NEDD4L: variants seen among roughly 807,000 people sequenced by gnomAD.
NEDD4L encodes E3 ubiquitin-protein ligase NEDD4-like.
A neutral mutation model predicts 148.9 loss-of-function variants in NEDD4L; 54 were observed. The observed-to-expected ratio is 0.36, with a 90% CI of 0.29 to 0.45. NEDD4L has a LOEUF of 0.45. NEDD4L is among the 20% of genes least tolerant of loss of function. NEDD4L has a pLI of 1.00. For synonymous variants in NEDD4L, 433 were observed against 440.7 expected (o/e 0.98, Z 0.22); for missense variants, 856 against 1,233.8 (o/e 0.69, Z 4.59).
At chr18:58,380,361 C>T (rs2048180464) in intron 24 of NEDD4L, among the ~76,000 whole-genome samples, 1 of 150,168 alleles carries the variant, frequency 6.7e-6, no homozygotes, top group Non-Finnish European at 1.5e-5. Flanking sequence ...CTCTGTTGCC[C>T]AGGCTGGAGT....
intron 1 of NEDD4L, among the ~76,000 whole-genome samples, chr18:58,072,864 GCGCGCGCGCACA>G (rs1214534457): frequency 1.8e-5 from 2 of 110,712 alleles, no homozygotes; most frequent in Admixed American, 1.8e-4. Flanking sequence ...TAAGGCGCGC[GCGCGCGCGCACA>G]CACACACACA....
intron 2 of NEDD4L, among the ~76,000 whole-genome samples, chr18:58,180,198 G>A (rs550015788): frequency 6.6e-6 from 1 of 152,144 alleles, no homozygotes; most frequent in Non-Finnish European, 1.5e-5. Flanking sequence ...GAGCCGCGGT[G>A]CGCTCTTCCT....
At chr18:58,218,266 A>C (rs1430828391) in intron 2 of NEDD4L, among the ~76,000 whole-genome samples, 1 of 152,212 alleles carries the variant, frequency 6.6e-6, no homozygotes, top group Non-Finnish European at 1.5e-5. Context: ...AAAACTGCCC[A>C]GTCTTTTAAG....
chr18:58,186,179 G>A (rs573209369), intron 2 of NEDD4L, among the ~76,000 whole-genome samples: 10 of 152,306 alleles, frequency 6.6e-5, no homozygotes, highest in Middle Eastern at 3.4e-3. Context: ...CAACAGAAAA[G>A]CGTCCATTAA....
At chr18:58,086,386 G>T (rs1441336964) in intron 1 of NEDD4L, among the ~76,000 whole-genome samples, 3 of 152,210 alleles carry the variant, frequency 2.0e-5, no homozygotes, top group African/African-American at 7.2e-5. Flanking sequence ...GGCTCTGGAT[G>T]TGGGTGTGGC....
intron 30 of NEDD4L, among the ~76,000 whole-genome samples, 166 bp downstream of exon 30, chr18:58,391,725 A>G (rs539457115): frequency 2.4e-4 from 36 of 152,366 alleles, no homozygotes; most frequent in African/African-American, 8.7e-4. Flanking sequence ...TAGTGCTAAT[A>G]AGACATAATG....
intron 13 of NEDD4L, among the ~76,000 whole-genome samples, chr18:58,339,672 T>C (rs1025835121): frequency 2.0e-5 from 3 of 152,208 alleles, no homozygotes; most frequent in African/African-American, 7.2e-5. Flanking sequence ...AGCTGCTTCA[T>C]GATCTTACCC....
rs79441032 is a variant in NEDD4L, at chr18:58,074,183, A to G, written c.48+29475A>G. The stretch of plus-strand genomic sequence containing the variant: ...GTGAGCTTAAGTTTCCATTGATGGC[A>G]GACCTATCAGATGTTTCCTCCCATT... On this transcript the variant is annotated intron_variant, in intron 1 of 30. Transcript: ENST00000400345. Among the ~76,000 whole-genome samples, 1,397 of 152,192 alleles carry G rather than the reference A, an allele frequency of 9.2e-3. 10 individuals are homozygous for G. The highest frequency in any genetic ancestry group is 0.016 in the Non-Finnish European group (1,085 of 68,014).
intron 2 of NEDD4L, among the ~76,000 whole-genome samples, chr18:58,185,200 G>A (rs150979689): frequency 5.7e-4 from 87 of 152,216 alleles, no homozygotes; most frequent in Admixed American, 2.0e-3. Flanking sequence ...AATTGTGATC[G>A]GACCGTGGGA....
intron 2 of NEDD4L, among the ~76,000 whole-genome samples, chr18:58,220,688 C>T (rs1401080805): frequency 6.6e-6 from 1 of 152,204 alleles, no homozygotes. Context: ...CTGTTTGCTA[C>T]AACTGGGGAC....
At chr18:58,072,790 A>G (rs1306717280) in intron 1 of NEDD4L, among the ~76,000 whole-genome samples, 1 of 152,172 alleles carries the variant, frequency 6.6e-6, no homozygotes, top group African/African-American at 2.4e-5. Flanking sequence ...GGAGATTGGA[A>G]TAGAACTATA....
chr18:58,141,356 TTG>T (rs768163666), intron 1 of NEDD4L, among the ~76,000 whole-genome samples: 1 of 152,194 alleles, frequency 6.6e-6, no homozygotes, highest in African/African-American at 2.4e-5. Context: ...CACATATGGT[TTG>T]TTAGGATGAC....
chr18:58,080,562 T>C (rs992527252), intron 1 of NEDD4L, among the ~76,000 whole-genome samples: 1 of 152,208 alleles, frequency 6.6e-6, no homozygotes, highest in South Asian at 2.1e-4. Context: ...AAGACAGATA[T>C]TGCTATAGAG....
intron 5 of NEDD4L, among the ~76,000 whole-genome samples, chr18:58,311,191 C>T (rs899631735): frequency 3.3e-5 from 5 of 152,144 alleles, no homozygotes; most frequent in Admixed American, 1.3e-4. Context: ...ATGCATGTAA[C>T]TGAGATGAGT....
intron 1 of NEDD4L, among the ~76,000 whole-genome samples, chr18:58,096,312 G>T (rs1161146318): frequency 6.6e-6 from 1 of 151,160 alleles, no homozygotes; most frequent in African/African-American, 2.4e-5. Flanking sequence ...TATCTAAAAC[G>T]AATCCTCCTG....
intron 5 of NEDD4L, among the ~76,000 whole-genome samples, chr18:58,293,756 A>G (rs1417517386): frequency 6.6e-6 from 1 of 152,142 alleles, no homozygotes; most frequent in African/African-American, 2.4e-5. Flanking sequence ...TTTTGAGGTA[A>G]GGTCTTGCTC....
intron 5 of NEDD4L, among the ~76,000 whole-genome samples, chr18:58,276,254 T>C (rs1352416300): frequency 9.9e-6 from 1 of 101,216 alleles, no homozygotes; most frequent in African/African-American, 3.6e-5. Context: ...AGTCTCACTC[T>C]GTTGCCCAGG....
chr18:58,335,043 A>G (rs946707580), intron 12 of NEDD4L, among the ~76,000 whole-genome samples: 8 of 152,164 alleles, frequency 5.3e-5, no homozygotes, highest in Non-Finnish European at 1.2e-4. Context: ...TGTCAATTTT[A>G]TTTCCCAAAG....
At chr18:58,349,730 G>C (rs2043628849) in intron 17 of NEDD4L, 116 bp downstream of exon 17, 1 of 787,872 alleles carries the variant, frequency 1.3e-6, no homozygotes, top group African/African-American at 1.7e-5. Context: ...GGATCTCATT[G>C]GTTTGTGTTT....
Sources: allele counts gnomAD v4.1 joint callset (sites outside exome capture counted in the v4.1 genomes callset), GRCh38; gene constraint gnomAD v4.1.1; transcripts MANE v1.5; gene names NCBI Gene and HGNC (gene_info 2026-07-23, HGNC 2026-07-21).